Variants in BTBD7 observed in about 807,000 individuals in gnomAD.
BTBD7 encodes BTB domain containing 7.
Under a neutral mutation model 99.9 loss-of-function variants are expected in BTBD7, and 38 were observed. That is an observed-to-expected ratio of 0.38 (90% CI 0.29 to 0.50). BTBD7 has a LOEUF of 0.50. Among genes scored for constraint, BTBD7 ranks in the 20% least tolerant of loss-of-function variants. The pLI, the probability that BTBD7 is intolerant of heterozygous loss-of-function variation, is 0.93. For synonymous variants in BTBD7, 520 were observed against 511.4 expected (o/e 1.02, Z -0.23); for missense variants, 1,170 against 1,394.6 (o/e 0.84, Z 2.57).
intron 3 of BTBD7, among the ~76,000 whole-genome samples, chr14:93,277,251 A>G (rs1375304189): frequency 6.6e-6 from 1 of 152,206 alleles, no homozygotes; most frequent in African/African-American, 2.4e-5. Flanking sequence ...ATATTTCTTT[A>G]ATGTTTACTT....
intron 3 of BTBD7, among the ~76,000 whole-genome samples, chr14:93,283,910 CAAAG>C (rs761137955): frequency 1.1e-4 from 16 of 152,070 alleles, no homozygotes; most frequent in Non-Finnish European, 1.8e-4. Flanking sequence ...TTTCAATAGA[CAAAG>C]AAATACTGGC....
Position 93,293,882 on chromosome 14 carries a change from A to G in BTBD7, c.1138T>C (p.Leu380=), listed in dbSNP as rs1350132363. The G allele has an allele frequency of 6.2e-7, 1 of 1,609,286 alleles. No individual in the cohort carries two copies. The highest frequency in any genetic ancestry group is 1.7e-5 in the Admixed American group (1 of 58,676). ...AMELYHIALF[L]EFNMLAQGCE... is the part of the protein sequence containing the mutation. ...CCTTGTGCAAGCATGTTAAATTCCAAGAACAGTGCTATGTGGTAAAGTTCC... is the reference window on the plus strand; with the variant it reads ...CCTTGTGCAAGCATGTTAAATTCCAGGAACAGTGCTATGTGGTAAAGTTCC... Residue 380 remains leucine, a synonymous_variant, in exon 3 of 11, where the codon TTG becomes CTG. Transcript: ENST00000334746.
intron 1 of BTBD7, among the ~76,000 whole-genome samples, chr14:93,311,281 C>T (rs1015214288): frequency 2.0e-5 from 3 of 152,108 alleles, no homozygotes; most frequent in Admixed American, 6.5e-5. Context: ...TAACCTCTGC[C>T]TCCGAGAGCA....
At chr14:93,331,146 G>A (rs1244438590) in intron 1 of BTBD7, among the ~76,000 whole-genome samples, 1 of 152,112 alleles carries the variant, frequency 6.6e-6, no homozygotes, top group East Asian at 1.9e-4. Context: ...GTAGCTGTCA[G>A]AATGAGACAG....
At chr14:93,324,300 G>A (rs1438081453) in intron 1 of BTBD7, among the ~76,000 whole-genome samples, 2 of 152,010 alleles carry the variant, frequency 1.3e-5, no homozygotes, top group African/African-American at 4.8e-5. Context: ...GTAGCCAGGT[G>A]TGGTGGCTAC....
chr14:93,330,753 T>C (rs1410757357), intron 1 of BTBD7, among the ~76,000 whole-genome samples: 1 of 152,220 alleles, frequency 6.6e-6, no homozygotes. Context: ...GTGACTAGAA[T>C]CTGAAATCAG....
intron 7 of BTBD7, 43 bp downstream of exon 7, chr14:93,253,604 T>C: frequency 6.4e-7 from 1 of 1,556,594 alleles, no homozygotes; most frequent in African/African-American, 1.3e-5. Flanking sequence ...GTGCATATGG[T>C]TTGTAATAAA....
At chr14:93,260,368 T>C (rs56131022) in intron 5 of BTBD7, among the ~76,000 whole-genome samples, 1 of 152,314 alleles carries the variant, frequency 6.6e-6, no homozygotes, top group African/African-American at 2.4e-5. Flanking sequence ...AATACAACGA[T>C]GTTTGAGGGA....
At chr14:93,258,688 G>C (rs1318363576) in intron 5 of BTBD7, among the ~76,000 whole-genome samples, 1 of 152,076 alleles carries the variant, frequency 6.6e-6, no homozygotes, top group East Asian at 1.9e-4. Context: ...GGGTTCAAGC[G>C]ATTCTCCTGC....
chr14:93,252,814 T>TTTTTTTG (rs2052384056), intron 7 of BTBD7, among the ~76,000 whole-genome samples: 1 of 151,706 alleles, frequency 6.6e-6, no homozygotes, highest in Non-Finnish European at 1.5e-5. Context: ...AAGGCCAAAG[T>TTTTTTTG]TTTTTTGTTT....
At chr14:93,308,724 T>C (rs1322188221) in intron 1 of BTBD7, among the ~76,000 whole-genome samples, 1 of 152,130 alleles carries the variant, frequency 6.6e-6, no homozygotes, top group Non-Finnish European at 1.5e-5. Flanking sequence ...CCTAAGAACA[T>C]TATGTTAAGT....
At position 93,307,919 on chromosome 14, in the gene BTBD7, T is replaced by C. The variant is rs542565369; in HGVS notation, c.-106-11762A>G. 2.0e-5 allele frequency among the ~76,000 whole-genome samples: 3 copies of C among 152,326 alleles called. No homozygotes were observed. In the South Asian group the frequency reaches 6.2e-4, roughly 32 times the overall value. On this transcript the variant is annotated intron_variant, in intron 1 of 10. Coordinates refer to ENST00000334746, the MANE Select transcript of BTBD7 (RefSeq NM_001002860.4). Reference sequence around the variant, plus strand: ...TTAGTAAGGAAAGGCTTATCTGTAATCATTCTTCAAGATTTTGAGTCCAAA... The same window carrying C: ...TTAGTAAGGAAAGGCTTATCTGTAACCATTCTTCAAGATTTTGAGTCCAAA...
chr14:93,240,101 A>G lies in BTBD7; in HGVS notation c.*2172T>C, dbSNP rs1243279621. The stretch of plus-strand genomic sequence containing the variant: ...TGAGTCAAACTTCTTACAAATGAGA[A>G]CAGAGGCCTATGCTTTTCTCTTTAA... On this transcript the variant is annotated 3_prime_UTR_variant, in exon 11 of 11. Transcript: ENST00000334746. 6.6e-6 allele frequency: 1 copy of G among 152,224 alleles called. No homozygotes were observed. The highest frequency in any genetic ancestry group is 1.9e-4 in the East Asian group (1 of 5,198). The allele number at this position is 152,224 out of a possible 1,614,324, so 9.4% of individuals were successfully genotyped here. A position where few individuals can be genotyped will look rare whatever the true frequency, so the allele number is the denominator to read the frequency against.
rs982224643 is a variant in BTBD7 at position 93,240,294 on chromosome 14, CAT to C, written c.*1977_*1978del. 6.5e-6 allele frequency: 1 copy of C among 152,682 alleles called. No homozygotes were observed. Among genetic ancestry groups the C allele is most frequent in the African/African-American group, 2.4e-5 (1 of 41,452 alleles). 9.5% of individuals were successfully genotyped at this position (152,682 alleles called of 1,614,324 possible). On this transcript the variant is annotated 3_prime_UTR_variant, in exon 11 of 11. Coordinates refer to ENST00000334746, the MANE Select transcript of BTBD7 (RefSeq NM_001002860.4). ...TTTGCCGGGGCGTGCAGACACACGA[CAT>C]GTTTCCCATCTTGGAGACTATCTAC...
chr14:93,332,789 C>T, intron 1 of BTBD7, 31 bp downstream of exon 1: 1 of 1,466,200 alleles, frequency 6.8e-7, no homozygotes. Context: ...GCCTCGGCTC[C>T]ACAGCCTCAG....
intron 1 of BTBD7, among the ~76,000 whole-genome samples, chr14:93,301,145 A>C (rs1286995173): frequency 6.6e-6 from 1 of 151,808 alleles, no homozygotes; most frequent in Non-Finnish European, 1.5e-5. Flanking sequence ...GCTTGAGGCC[A>C]GGAGTTAGAG....
At position 93,324,870 on chromosome 14, in the gene BTBD7, T is replaced by C. The variant is rs558290239; in HGVS notation, c.-107+7950A>G. On this transcript the variant is annotated intron_variant, in intron 1 of 10. Coordinates refer to ENST00000334746, the MANE Select transcript of BTBD7 (RefSeq NM_001002860.4). Reference sequence around the variant, plus strand: ...TGCATGAACAAAAGCAGATTTCTGTTAGGAAAGAAGAGAAAAGTAGACATT... The same window carrying C: ...TGCATGAACAAAAGCAGATTTCTGTCAGGAAAGAAGAGAAAAGTAGACATT... 5.5e-4 allele frequency among the ~76,000 whole-genome samples: 83 copies of C among 152,196 alleles called. 1 individual carries two copies. The highest frequency in any genetic ancestry group is 3.4e-3 in the Middle Eastern group (1 of 294).
chr14:93,311,853 T>C (rs1194871376), intron 1 of BTBD7, among the ~76,000 whole-genome samples: 3 of 152,022 alleles, frequency 2.0e-5, no homozygotes, highest in African/African-American at 4.8e-5. Flanking sequence ...CTCTGTGTGA[T>C]TATATAACCA....
chr14:93,294,646 G>A lies in BTBD7; in HGVS notation c.374C>T (p.Ala125Val). 1 of 1,614,092 alleles carries A rather than the reference G, an allele frequency of 6.2e-7. No homozygotes were observed. Among genetic ancestry groups the A allele is most frequent in the South Asian group, 1.1e-5 (1 of 91,072 alleles). Residue 125 changes from alanine to valine, a missense_variant, in exon 3 of 11, where the codon GCC (alanine) becomes GTC (valine). By Grantham distance (64) the Ala-to-Val change is moderately conservative. Transcript: ENST00000334746. ...SLQASLARPEARTLQKDMADL... is the reference protein window; with the variant it reads ...SLQASLARPEVRTLQKDMADL... ...AGCCATATCTTTCTGCAATGTCCGG[G>A]CTTCTGGTCTAGCCAAACTGGCTTG... is the stretch of plus-strand genomic sequence containing the variant.
Sources: gnomAD v4.1 joint callset for allele counts (sites outside exome capture counted in the v4.1 genomes callset) on GRCh38, gnomAD v4.1.1 for gene constraint, MANE v1.5 for transcripts, NCBI Gene and HGNC (gene_info 2026-07-23, HGNC 2026-07-21) for gene names.